Variants in SYNE3 observed in about 807,000 individuals in gnomAD.
The protein encoded by SYNE3 is nesprin-3.
SYNE3 carries 100 observed loss-of-function variants against 111.2 expected under a neutral mutation model. That is an observed-to-expected ratio of 0.90 (90% CI 0.77 to 1.06). The LOEUF is 1.06. Among genes scored for constraint, SYNE3 ranks in the 50% least tolerant of loss-of-function variants. SYNE3 has a pLI of 0.00. For missense variants in SYNE3, 1,160 were observed against 1,240.3 expected (o/e 0.94, Z 0.97); for synonymous variants, 547 against 533.9 (o/e 1.02, Z -0.34).
chr14:95,471,030 T>C (rs1325410342), intron 2 of SYNE3, among the ~76,000 whole-genome samples: 2 of 150,354 alleles, frequency 1.3e-5, no homozygotes, highest in Non-Finnish European at 2.9e-5. Context: ...CCCAGAAATG[T>C]GAAAGGAGAC....
chr14:95,428,880 T>C (rs1192100714), intron 17 of SYNE3, among the ~76,000 whole-genome samples: 5 of 152,226 alleles, frequency 3.3e-5, no homozygotes, highest in African/African-American at 1.2e-4. Context: ...ACTTGGAGCA[T>C]GGAGGGAGGA....
intron 17 of SYNE3, among the ~76,000 whole-genome samples, chr14:95,420,711 AAC>A (rs1009627085): frequency 6.6e-5 from 10 of 150,670 alleles, no homozygotes; most frequent in East Asian, 5.8e-4. Flanking sequence ...TGCTTAGGAA[AAC>A]ACACACACAC....
rs188418564 is a variant in SYNE3, at chr14:95,440,037, G to C, written c.1950C>G (p.His650Gln). The change falls in exon 12 of 18, where the codon CAC becomes CAG. Residue 650 changes from histidine to glutamine, a missense_variant. Coordinates refer to ENST00000682763, the MANE Select transcript of SYNE3 (RefSeq NM_152592.6). ...VDRCRQSVQE[H>Q]CTFSHQLLEL... ...CCAGCAGCTGGTGGCTGAAGGTGCA[G>C]TGCTCCTGCACACTCTGCCGACACC... is the stretch of plus-strand genomic sequence containing the variant. 105 of 1,609,898 alleles carry C rather than the reference G, an allele frequency of 6.5e-5. 1 individual carries two copies. In the East Asian group the frequency reaches 2.3e-3, roughly 35 times the overall value.
chr14:95,511,773 T>A (rs570945039), intron 1 of SYNE3, among the ~76,000 whole-genome samples: 2 of 152,228 alleles, frequency 1.3e-5, no homozygotes, highest in East Asian at 3.9e-4. Flanking sequence ...ATCAGTTTAA[T>A]CTCAGGTATA....
In SYNE3 at chr14:95,466,041, G is replaced by A; in HGVS notation, c.517C>T (p.Leu173=). Residue 173 remains leucine (L), a synonymous_variant, in exon 4 of 18, where the codon CTG becomes TTG. Coordinates refer to ENST00000682763, the MANE Select transcript of SYNE3 (RefSeq NM_152592.6). ...VDNQAVLLDR[L]LEEAASLFNR... is the part of the protein sequence containing the mutation. The stretch of plus-strand genomic sequence containing the variant: ...AACAGGGAGGCTGCCTCCTCCAGCA[G>A]CCGGTCCAGGAGCACCGCCTGGTTG... The A allele has an allele frequency of 6.2e-7, 1 of 1,612,824 alleles. No homozygotes were observed. The highest frequency in any genetic ancestry group is 8.5e-7 in the Non-Finnish European group (1 of 1,178,882).
intron 1 of SYNE3, among the ~76,000 whole-genome samples, chr14:95,511,510 C>T (rs1890720150): frequency 6.6e-6 from 1 of 151,962 alleles, no homozygotes; most frequent in South Asian, 2.1e-4. Flanking sequence ...ACCATCCTGG[C>T]CAACAAGGTG....
intron 1 of SYNE3, among the ~76,000 whole-genome samples, chr14:95,514,517 C>T (rs73330315): frequency 0.026 from 4,034 of 152,354 alleles, 179 homozygotes; most frequent in African/African-American, 0.092. Context: ...AACTGTGACA[C>T]CTTCTCACAT....
chr14:95,511,306 C>G (rs115288745), intron 1 of SYNE3, among the ~76,000 whole-genome samples: 1 of 152,210 alleles, frequency 6.6e-6, no homozygotes, highest in East Asian at 1.9e-4. Flanking sequence ...AGATTCTAAG[C>G]ACTGCTTCTG....
In SYNE3 at chr14:95,485,589, T is replaced by C. The variant is rs1006461286; in HGVS notation, c.-14-9754A>G. 1.3e-5 allele frequency among the ~76,000 whole-genome samples: 2 copies of C among 152,056 alleles called. No homozygotes were observed. The highest frequency in any genetic ancestry group is 2.9e-5 in the Non-Finnish European group (2 of 67,990). On this transcript the variant is annotated intron_variant, in intron 1 of 17. Transcript: ENST00000682763. This position sits in a 1 kb window ranked among gnomAD's most constrained non-coding sequence, Gnocchi z 4.3. The stretch of plus-strand genomic sequence containing the variant: ...CCACAGCCCCTAGACCTCCCAGGAA[T>C]GCCGAAATGCTCAGCGTTTTTTTCC...
At chr14:95,439,831 G>A in intron 12 of SYNE3, 47 bp from the exon 13 acceptor site, 1 of 1,591,818 alleles carries the variant, frequency 6.3e-7, no homozygotes, top group Non-Finnish European at 8.6e-7. Flanking sequence ...GAGGGTGGAG[G>A]GAGGTTTCTG....
intron 2 of SYNE3, 114 bp from the exon 3 acceptor site, chr14:95,468,081 G>T (rs1888306038): frequency 1.2e-5 from 15 of 1,241,028 alleles, no homozygotes; most frequent in Non-Finnish European, 1.4e-5. Flanking sequence ...GAGGATCTGG[G>T]ATTCACATCA....
chr14:95,463,208 A>AC (rs1887947952), intron 4 of SYNE3, among the ~76,000 whole-genome samples: 1 of 150,506 alleles, frequency 6.6e-6, no homozygotes, highest in African/African-American at 2.5e-5. Context: ...TCATAAAAAG[A>AC]CTGGGGGAGC....
Position 95,421,617 on chromosome 14 carries a change from T to C in SYNE3, c.2728-3591A>G, listed in dbSNP as rs187089339. Among the ~76,000 whole-genome samples the C allele has an allele frequency of 2.6e-3, 401 of 152,300 alleles. 3 individuals carry two copies. The highest frequency in any genetic ancestry group is 9.4e-3 in the African/African-American group (389 of 41,564). On this transcript the variant is annotated intron_variant, in intron 17 of 17. Transcript: ENST00000682763. The stretch of plus-strand genomic sequence containing the variant: ...CGCATGCTATGCATAAAGTGCACAG[T>C]AGGCACCCAATAAAGGCTCACTTCC...
At chr14:95,453,336 C>A (rs989080176) in intron 6 of SYNE3, among the ~76,000 whole-genome samples, 8 of 152,170 alleles carry the variant, frequency 5.3e-5, no homozygotes, top group African/African-American at 1.9e-4. Flanking sequence ...ACCGATCCTC[C>A]ATTCACAGGG....
At chr14:95,506,825 C>T (rs546742648) in intron 1 of SYNE3, among the ~76,000 whole-genome samples, 24 of 152,148 alleles carry the variant, frequency 1.6e-4, no homozygotes, top group Admixed American at 3.3e-4. Context: ...GTGTGATACC[C>T]AGGCCCATGG....
In SYNE3 at chr14:95,465,955, G is replaced by A. The variant is rs149765715; in HGVS notation, c.603C>T (p.Tyr201=). The change falls in exon 4 of 18, where the codon TAC becomes TAT. Residue 201 remains tyrosine, a synonymous_variant. Coordinates refer to ENST00000682763, the MANE Select transcript of SYNE3 (RefSeq NM_152592.6). The part of the protein sequence containing the change: ...EDAQKRMKAE[Y]DAVKAKAQKR... ...CCTGGGCCTTGGCCTTCACTGCATC[G>A]TACTCAGCCTTCATTCTCTTCTGGG... 1.9e-4 allele frequency: 301 copies of A among 1,590,370 alleles called. 2 individuals are homozygous for A. Among genetic ancestry groups the A allele is most frequent in the Middle Eastern group, 1.8e-3 (11 of 5,976 alleles).
rs574423106 is a variant in SYNE3, at chr14:95,426,943, C to CAAAAAAA, written c.2727+5129_2727+5135dup. Among the ~76,000 whole-genome samples the CAAAAAAA allele has an allele frequency of 7.6e-5, 8 of 104,858 alleles. 2 individuals are homozygous for CAAAAAAA. The highest frequency in any genetic ancestry group is 2.8e-4 in the East Asian group (1 of 3,530). The allele number at this position is 104,858 out of a possible 152,430, so 68.8% of individuals were successfully genotyped here. A position where few individuals can be genotyped will look rare whatever the true frequency, so the allele number is the denominator to read the frequency against. ...TGGGTGACAAAGCAAGACTCCATCTCAAAAAAAAAAAAAAAAAAAGAATAG... is the reference window on the plus strand; with the variant it reads ...TGGGTGACAAAGCAAGACTCCATCTCAAAAAAAAAAAAAAAAAAAAAAAAAAGAATAG... On this transcript the variant is annotated intron_variant, in intron 17 of 17. Coordinates refer to ENST00000682763, the MANE Select transcript of SYNE3 (RefSeq NM_152592.6).
chr14:95,509,903 A>C (rs1566692335), intron 1 of SYNE3, among the ~76,000 whole-genome samples: 2 of 152,208 alleles, frequency 1.3e-5, no homozygotes, highest in Admixed American at 6.5e-5. Context: ...AGGTGGTTGT[A>C]AGGTAAGAGC....
rs372953935 is a variant in SYNE3 at position 95,443,239 on chromosome 14, C to A, written c.1827G>T (p.Arg609Ser). Residue 609 changes from arginine (R) to serine (S), a missense_variant, in exon 11 of 18, where the codon AGG becomes AGT. By Grantham distance (110) the Arg-to-Ser change is moderately radical. Transcript: ENST00000682763. ...LDLGAQMEAA[R>S]PLVQENPNHQ... ...GGTTGGGGTTCTCCTGGACCAGAGGCCTTGCAGCCTCCATCTGTGCCCCCA... is the reference window on the plus strand; with the variant it reads ...GGTTGGGGTTCTCCTGGACCAGAGGACTTGCAGCCTCCATCTGTGCCCCCA... The A allele has an allele frequency of 1.2e-4, 197 of 1,614,224 alleles. 1 individual carries two copies. In the South Asian group the frequency reaches 1.6e-3, roughly 13 times the overall value.
Sources: gnomAD v4.1 joint callset for allele counts (sites outside exome capture counted in the v4.1 genomes callset) on GRCh38, gnomAD v4.1.1 for gene constraint, Gnocchi (gnomAD v3.1) non-coding constraint, MANE v1.5 for transcripts, NCBI Gene and HGNC (gene_info 2026-07-23, HGNC 2026-07-21) for gene names.